Variants in HS3ST4 observed in about 807,000 individuals in gnomAD.
HS3ST4 encodes heparan sulfate glucosamine 3-O-sulfotransferase 4.
HS3ST4 carries 17 observed loss-of-function variants against 29.2 expected under a neutral mutation model. That is an observed-to-expected ratio of 0.58 (90% confidence interval 0.40 to 0.87). The LOEUF (loss-of-function observed/expected upper bound fraction) is 0.87, where lower values mean the gene tolerates loss of function less well. Among genes scored for constraint, HS3ST4 ranks in the 40% least tolerant of loss-of-function variants. HS3ST4 has a pLI of 0.00. For missense variants in HS3ST4, 627 were observed against 634.5 expected (o/e 0.99, Z 0.13); for synonymous variants, 314 against 285.7 (o/e 1.10, Z -1.00).
At chr16:25,955,097 G>A (rs1199437126) in intron 1 of HS3ST4, among the ~76,000 whole-genome samples, 2 of 152,102 alleles carry the variant, frequency 1.3e-5, no homozygotes, top group East Asian at 3.9e-4. Flanking sequence ...GGTGACTCTG[G>A]GAACAAGGTA....
At chr16:26,132,812 C>A (rs1899437816) in intron 1 of HS3ST4, among the ~76,000 whole-genome samples, 1 of 152,066 alleles carries the variant, frequency 6.6e-6, no homozygotes, top group Admixed American at 6.5e-5. Flanking sequence ...ATCAGGGGAA[C>A]TAAAATCTGG....
intron 1 of HS3ST4, among the ~76,000 whole-genome samples, chr16:26,041,785 A>G (rs569546052): frequency 1.3e-5 from 2 of 152,352 alleles, no homozygotes; most frequent in South Asian, 2.1e-4. Context: ...ATAGCACCCA[A>G]GAGTTTCTAT....
intron 1 of HS3ST4, among the ~76,000 whole-genome samples, chr16:26,131,789 A>G (rs985094116): frequency 6.6e-6 from 1 of 152,154 alleles, no homozygotes; most frequent in African/African-American, 2.4e-5. Context: ...AACCTTTCAC[A>G]ACAAAAACCT....
At position 25,827,578 on chromosome 16, in the gene HS3ST4, G is replaced by A. The variant is rs148145922; in HGVS notation, c.734+134427G>A. On this transcript the variant is annotated intron_variant, in intron 1 of 1. Transcript: ENST00000331351. Reference sequence around the variant, plus strand: ...ACAAGCTTTTGGTTTCTATCTTAGCGGAAATCAGTTATTTACTGAAGTAAT... The same window carrying A: ...ACAAGCTTTTGGTTTCTATCTTAGCAGAAATCAGTTATTTACTGAAGTAAT... 3.3e-3 allele frequency among the ~76,000 whole-genome samples: 493 copies of A among 150,312 alleles called. 5 individuals carry two copies. The highest frequency in any genetic ancestry group is 0.011 in the African/African-American group (470 of 41,008).
intron 1 of HS3ST4, among the ~76,000 whole-genome samples, chr16:25,697,723 G>T (rs1036506549): frequency 1.2e-4 from 18 of 151,924 alleles, no homozygotes; most frequent in African/African-American, 4.1e-4. Flanking sequence ...TTTGAGACGG[G>T]GTCTCGCTCT....
intron 1 of HS3ST4, among the ~76,000 whole-genome samples, chr16:26,130,302 T>G (rs184975753): frequency 2.6e-4 from 40 of 152,282 alleles, no homozygotes; most frequent in Non-Finnish European, 5.4e-4. Context: ...TGCATGGTCT[T>G]TCAGACAGGG....
intron 1 of HS3ST4, among the ~76,000 whole-genome samples, chr16:25,737,756 A>G (rs2141596283): frequency 6.6e-6 from 1 of 152,298 alleles, no homozygotes; most frequent in East Asian, 1.9e-4. Context: ...AACAATGTAT[A>G]CATTTTAGGA....
rs1966880848 is a variant in HS3ST4 at position 25,795,272 on chromosome 16, C to G, written c.734+102121C>G. ...AGGCGTGAGCCACCGCACCTGGCCC[C>G]CCATCCCGCCTTTTCTTTTCTTTTC... On this transcript the variant is annotated intron_variant, in intron 1 of 1. Coordinates refer to ENST00000331351, the MANE Select transcript of HS3ST4 (RefSeq NM_006040.3). 7.2e-5 allele frequency among the ~76,000 whole-genome samples: 11 copies of G among 152,040 alleles called. No individual in the cohort carries two copies. The South Asian group carries it at 2.3e-3, about 32-fold the overall frequency.
chr16:25,764,271 GAGAA>G (rs1274742532), intron 1 of HS3ST4, among the ~76,000 whole-genome samples: 1 of 152,224 alleles, frequency 6.6e-6, no homozygotes. Flanking sequence ...AGAGCTGCAG[GAGAA>G]AGAGAGGGTG....
At chr16:25,838,064 A>T (rs996600208) in intron 1 of HS3ST4, among the ~76,000 whole-genome samples, 2 of 152,204 alleles carry the variant, frequency 1.3e-5, no homozygotes, top group East Asian at 3.8e-4. Context: ...GGACCCTGGA[A>T]CCAGATTGCC....
chr16:26,020,457 A>C (rs1296529447), intron 1 of HS3ST4, among the ~76,000 whole-genome samples: 4 of 152,216 alleles, frequency 2.6e-5, no homozygotes, highest in Non-Finnish European at 5.9e-5. Flanking sequence ...CAAACGAGAG[A>C]TGATCAGAAA....
intron 1 of HS3ST4, among the ~76,000 whole-genome samples, chr16:25,706,191 C>G (rs986829852): frequency 1.3e-5 from 2 of 152,074 alleles, no homozygotes; most frequent in African/African-American, 4.8e-5. Flanking sequence ...AACATAAAAA[C>G]CTACGGAGCT....
intron 1 of HS3ST4, among the ~76,000 whole-genome samples, chr16:26,010,661 A>G (rs1048048993): frequency 3.9e-5 from 6 of 152,088 alleles, no homozygotes; most frequent in African/African-American, 1.4e-4. Flanking sequence ...AAGTTATCAA[A>G]TTGATAACTT....
intron 1 of HS3ST4, among the ~76,000 whole-genome samples, chr16:25,872,636 A>G (rs1360676397): frequency 6.6e-6 from 1 of 152,208 alleles, no homozygotes; most frequent in Non-Finnish European, 1.5e-5. Context: ...CAAGGCAACA[A>G]AAGAGCTAGC....
At chr16:25,742,664 G>A (rs747514832) in intron 1 of HS3ST4, among the ~76,000 whole-genome samples, 6 of 152,190 alleles carry the variant, frequency 3.9e-5, no homozygotes, top group Non-Finnish European at 7.4e-5. Flanking sequence ...AAAGTGCCAT[G>A]CCCTCTCTTC....
chr16:25,993,705 A>G (rs1339797149), intron 1 of HS3ST4, among the ~76,000 whole-genome samples: 2 of 151,948 alleles, frequency 1.3e-5, no homozygotes, highest in Admixed American at 6.6e-5. Context: ...GGCACATGCT[A>G]TGCACTCGAT....
intron 1 of HS3ST4, among the ~76,000 whole-genome samples, chr16:25,878,254 C>T (rs1967853193): frequency 1.3e-5 from 2 of 152,152 alleles, no homozygotes; most frequent in South Asian, 2.1e-4. Flanking sequence ...AAAGAAGTTA[C>T]TGTTTTTTAT....
chr16:25,855,892 C>T (rs1183680562), intron 1 of HS3ST4, among the ~76,000 whole-genome samples: 1 of 152,034 alleles, frequency 6.6e-6, no homozygotes, highest in Admixed American at 6.6e-5. Context: ...TTTCTTCCCT[C>T]CCTTAGGTGG....
intron 1 of HS3ST4, among the ~76,000 whole-genome samples, chr16:26,112,014 CAAA>C (rs33971867): frequency 7.3e-6 from 1 of 136,314 alleles, no homozygotes; most frequent in African/African-American, 2.8e-5. Context: ...AGACTCCACT[CAAA>C]AAAAAAAAAA....
Sources: allele counts gnomAD v4.1 joint callset (sites outside exome capture counted in the v4.1 genomes callset), GRCh38; gene constraint gnomAD v4.1.1; transcripts MANE v1.5; gene names NCBI Gene and HGNC (gene_info 2026-07-23, HGNC 2026-07-21).